Variants in ANKRD12 observed in about 807,000 individuals in gnomAD.
ANKRD12 encodes ankyrin repeat domain 12, also known as ankyrin repeat domain-containing protein 12.
A neutral mutation model predicts 183.4 loss-of-function variants in ANKRD12; 85 were observed. That is an observed-to-expected ratio of 0.46 (90% CI 0.39 to 0.56). ANKRD12 has a LOEUF of 0.56. ANKRD12 is among the 20% of genes least tolerant of loss of function. The probability of loss-of-function intolerance (pLI) is 0.00; values close to 1 mark genes in which losing one functional copy is unlikely to be tolerated. For missense variants in ANKRD12, 2,405 were observed against 2,357.1 expected (o/e 1.02, Z -0.42); for synonymous variants, 914 against 800.2 (o/e 1.14, Z -2.40).
chr18:9,261,213 G>A (rs2038946957), intron 9 of ANKRD12, among the ~76,000 whole-genome samples: 1 of 152,156 alleles, frequency 6.6e-6, no homozygotes, highest in Admixed American at 6.5e-5. Context: ...ATGGTTCTCT[G>A]TTACTTAACC....
rs543891263 is a variant in ANKRD12, at chr18:9,149,953, C to T, written c.-52+12988C>T. 9.9e-5 allele frequency among the ~76,000 whole-genome samples: 15 copies of T among 151,836 alleles called. No individual in the cohort carries two copies. The East Asian group carries it at 1.6e-3, about 16-fold the overall frequency. ...TGGGACTACAGGCATGCGCCCACCA[C>T]GCCCGGCTAATTTTTGTATTTTTGG... On this transcript the variant is annotated intron_variant, in intron 1 of 12. Coordinates refer to ENST00000262126, the MANE Select transcript of ANKRD12 (RefSeq NM_015208.5).
rs1472659778 is a variant in ANKRD12, at chr18:9,157,585, G to GTGTGTATATATA, written c.-52+20621_-52+20622insGTGTATATATAT. On this transcript the variant is annotated intron_variant, in intron 1 of 12. Coordinates refer to ENST00000262126, the MANE Select transcript of ANKRD12 (RefSeq NM_015208.5). Reference sequence around the variant, plus strand: ...TGTGTGTGTGTGTGTGTGTGTGTGTGTATATATATATATATGTATTTTTTT... The same window carrying GTGTGTATATATA: ...TGTGTGTGTGTGTGTGTGTGTGTGTGTGTGTATATATATATATATATATATATGTATTTTTTT... Among the ~76,000 whole-genome samples the GTGTGTATATATA allele has an allele frequency of 2.2e-3, 208 of 92,620 alleles. 3 individuals carry two copies. Among genetic ancestry groups the GTGTGTATATATA allele is most frequent in the African/African-American group, 7.4e-3 (141 of 19,008 alleles). The allele number at this position is 92,620 out of a possible 152,430, so 60.8% of individuals were successfully genotyped here. A position where few individuals can be genotyped will look rare whatever the true frequency, so the allele number is the denominator to read the frequency against.
Position 9,284,898 on chromosome 18 carries a change from A to G in ANKRD12, c.*3772A>G, listed in dbSNP as rs2040187593. The G allele has an allele frequency of 6.6e-6, 1 of 152,236 alleles. No homozygotes were observed. Among genetic ancestry groups the G allele is most frequent in the Non-Finnish European group, 1.5e-5 (1 of 68,044 alleles). 9.4% of individuals were successfully genotyped at this position (152,236 alleles called of 1,614,324 possible). On this transcript the variant is annotated 3_prime_UTR_variant, in exon 13 of 13. Coordinates refer to ENST00000262126, the MANE Select transcript of ANKRD12 (RefSeq NM_015208.5). The stretch of plus-strand genomic sequence containing the variant: ...AATAAAAGTTTTTTTGTACATGGAC[A>G]GCGTCCTCATAAAAGAAAATAGGCC...
chr18:9,220,291 A>G (rs1463337964), intron 7 of ANKRD12, among the ~76,000 whole-genome samples: 1 of 152,186 alleles, frequency 6.6e-6, no homozygotes, highest in Non-Finnish European at 1.5e-5. Flanking sequence ...CACCATAGTT[A>G]TGTCCTCGAA....
rs757938758 is a variant in ANKRD12, at chr18:9,281,121, A to G, written c.6184A>G (p.Ile2062Val). 5.6e-6 allele frequency: 9 copies of G among 1,612,720 alleles called. No individual in the cohort carries two copies. The African/African-American group carries it at 8.0e-5, about 14-fold the overall frequency. The change falls in exon 13 of 13, where the codon ATA becomes GTA. Residue 2062 changes from isoleucine to valine, a missense_variant. Coordinates refer to ENST00000262126, the MANE Select transcript of ANKRD12 (RefSeq NM_015208.5). ...TAACGACGACTTTGAATTGACTCCT[A>G]TATAGCAGTCAGTACTTCCTGATGG... ...DVNDDFELTP[I>V] is the part of the protein sequence containing the mutation.
At chr18:9,230,114 A>G (rs998186853) in intron 8 of ANKRD12, among the ~76,000 whole-genome samples, 4 of 152,166 alleles carry the variant, frequency 2.6e-5, no homozygotes, top group African/African-American at 9.7e-5. Context: ...AGAATTCTGC[A>G]GTGAGTCCAT....
rs184624397 is a variant in ANKRD12 at position 9,257,609 on chromosome 18, C to T, written c.4342C>T (p.Leu1448Phe). 1.2e-6 allele frequency: 2 copies of T among 1,614,028 alleles called. No individual in the cohort carries two copies. Among genetic ancestry groups the T allele is most frequent in the East Asian group, 2.2e-5 (1 of 44,874 alleles). ...TAACATACCTGATCAAGAATCCTCTCTTCAGAGTTTTTGTAATTCTGAAAA... is the reference window on the plus strand; with the variant it reads ...TAACATACCTGATCAAGAATCCTCTTTTCAGAGTTTTTGTAATTCTGAAAA... Reference protein sequence around the residue: ...NSNIPDQESSLQSFCNSENKV... With the variant: ...NSNIPDQESSFQSFCNSENKV... Residue 1448 changes from leucine (L) to phenylalanine (F), a missense_variant, in exon 9 of 13, where the codon CTT (leucine) becomes TTT (phenylalanine). This residue lies in a region of ANKRD12 where 1,983 missense variants were observed against 1,725.9 expected (regional missense o/e 1.15). Coordinates refer to ENST00000262126, the MANE Select transcript of ANKRD12 (RefSeq NM_015208.5).
intron 1 of ANKRD12, among the ~76,000 whole-genome samples, chr18:9,141,225 G>A (rs1300077547): frequency 2.0e-5 from 3 of 151,902 alleles, no homozygotes; most frequent in South Asian, 2.1e-4. Context: ...TGTGGTGGTG[G>A]TGGTGGTGGT....
intron 10 of ANKRD12, among the ~76,000 whole-genome samples, chr18:9,271,989 A>G (rs1011497621): frequency 6.6e-6 from 1 of 152,174 alleles, no homozygotes; most frequent in Non-Finnish European, 1.5e-5. Flanking sequence ...TTTGAATGCT[A>G]TACTAAATGA....
At chr18:9,176,770 G>A (rs773853502) in intron 1 of ANKRD12, among the ~76,000 whole-genome samples, 8 of 152,046 alleles carry the variant, frequency 5.3e-5, no homozygotes, top group South Asian at 2.1e-4. Context: ...TTTAGAAATA[G>A]CAGTGGTGTT....
chr18:9,253,148 G>A (rs1327807914), intron 8 of ANKRD12, among the ~76,000 whole-genome samples: 4 of 152,078 alleles, frequency 2.6e-5, no homozygotes, highest in Admixed American at 2.6e-4. Flanking sequence ...AGTATACAAT[G>A]TGTAAAAAAC....
At chr18:9,175,781 G>C (rs564693794) in intron 1 of ANKRD12, among the ~76,000 whole-genome samples, 3 of 151,932 alleles carry the variant, frequency 2.0e-5, no homozygotes, top group African/African-American at 7.2e-5. Flanking sequence ...GCCTGCCTTG[G>C]CCTCCCAAAG....
rs1365536868 is a variant in ANKRD12, at chr18:9,284,631, C to G, written c.*3505C>G. On this transcript the variant is annotated 3_prime_UTR_variant, in exon 13 of 13. Coordinates refer to ENST00000262126, the MANE Select transcript of ANKRD12 (RefSeq NM_015208.5). ...TTGTAATTCATCATTATTTAAGTGA[C>G]TTCTTGGGAGCCGTCTTTGTACCTA... is the stretch of plus-strand genomic sequence containing the variant. 2 of 152,084 alleles carry G rather than the reference C, an allele frequency of 1.3e-5. No homozygotes were observed. The highest frequency in any genetic ancestry group is 3.9e-4 in the East Asian group (2 of 5,178). 9.4% of individuals were successfully genotyped at this position (152,084 alleles called of 1,614,324 possible).
At chr18:9,187,430 C>G (rs2034160642) in intron 2 of ANKRD12, among the ~76,000 whole-genome samples, 1 of 152,018 alleles carries the variant, frequency 6.6e-6, no homozygotes, top group African/African-American at 2.4e-5. Context: ...TTTTTTTTAA[C>G]AGTTCTCTTA....
chr18:9,144,050 T>C (rs2078411683), intron 1 of ANKRD12, among the ~76,000 whole-genome samples: 1 of 152,220 alleles, frequency 6.6e-6, no homozygotes, highest in East Asian at 1.9e-4. Context: ...ATTACCACTT[T>C]CATTTTACAT....
intron 1 of ANKRD12, among the ~76,000 whole-genome samples, chr18:9,157,081 C>T (rs1047887323): frequency 4.6e-5 from 7 of 152,196 alleles, no homozygotes; most frequent in African/African-American, 1.7e-4. Context: ...GGATGTTACT[C>T]AGTGCCACAG....
At chr18:9,156,911 C>G (rs1047422298) in intron 1 of ANKRD12, among the ~76,000 whole-genome samples, 2 of 152,192 alleles carry the variant, frequency 1.3e-5, no homozygotes, top group African/African-American at 4.8e-5. Context: ...TATGATTGCA[C>G]TTGCACGAAG....
chr18:9,275,303 A>AATATAG (rs141994311), intron 10 of ANKRD12, among the ~76,000 whole-genome samples: 1 of 150,268 alleles, frequency 6.7e-6, no homozygotes, highest in Non-Finnish European at 1.5e-5. Context: ...TGTCTCTAAA[A>AATATAG]ATATATATAT....
chr18:9,241,218 A>AAT (rs916380571), intron 8 of ANKRD12, among the ~76,000 whole-genome samples: 2 of 152,114 alleles, frequency 1.3e-5, no homozygotes, highest in African/African-American at 2.4e-5. Flanking sequence ...AGTATGTCCA[A>AAT]ATATATATAT....
Sources: gnomAD v4.1 joint callset for allele counts (sites outside exome capture counted in the v4.1 genomes callset) on GRCh38, gnomAD v4.1.1 for gene constraint, gnomAD v4.1.1 regional missense constraint, MANE v1.5 for transcripts, NCBI Gene and HGNC (gene_info 2026-07-23, HGNC 2026-07-21) for gene names.